Variants in FTO observed in about 807,000 individuals in gnomAD.
FTO encodes the protein alpha-ketoglutarate-dependent dioxygenase FTO.
FTO carries 47 observed loss-of-function variants against 63.9 expected under a neutral mutation model. The ratio of observed to expected loss-of-function variants is 0.74; its 90% CI spans 0.58 to 0.94. The LOEUF is 0.94. Ranked by LOEUF, FTO falls within the 40% of genes least tolerant of loss-of-function variation. FTO has a pLI of 0.00. For missense variants in FTO, 562 were observed against 618.1 expected (o/e 0.91, Z 0.96); for synonymous variants, 207 against 224.4 (o/e 0.92, Z 0.69).
intron 7 of FTO, among the ~76,000 whole-genome samples, chr16:53,907,456 A>C (rs561570519): frequency 6.6e-6 from 1 of 152,318 alleles, no homozygotes; most frequent in South Asian, 2.1e-4. Context: ...ATCGTGAGAG[A>C]GTATGGGACT....
At chr16:54,052,989 A>C (rs767268165) in intron 8 of FTO, among the ~76,000 whole-genome samples, 9 of 152,332 alleles carry the variant, frequency 5.9e-5, no homozygotes, top group Non-Finnish European at 1.0e-4. Flanking sequence ...GGTGTGAGCC[A>C]CTGCACCCGG....
At chr16:53,764,489 AAAG>A (rs1486729708) in intron 1 of FTO, among the ~76,000 whole-genome samples, 1 of 151,264 alleles carries the variant, frequency 6.6e-6, no homozygotes, top group African/African-American at 2.4e-5. Flanking sequence ...AAAAAAAAAA[AAAG>A]AAAAGAGGGG....
At chr16:53,739,503 T>G (rs1022705920) in intron 1 of FTO, among the ~76,000 whole-genome samples, 2 of 152,004 alleles carry the variant, frequency 1.3e-5, no homozygotes, top group Non-Finnish European at 2.9e-5. Flanking sequence ...TGTGAGCCAC[T>G]GTGCCTGGCC....
intron 2 of FTO, among the ~76,000 whole-genome samples, chr16:53,815,116 T>C (rs1007948392): frequency 3.3e-5 from 5 of 150,894 alleles, no homozygotes; most frequent in South Asian, 2.1e-4. Context: ...AGAGGCCCGG[T>C]TATACGAGAA....
intron 8 of FTO, among the ~76,000 whole-genome samples, chr16:54,033,124 C>A (rs548626751): frequency 1.3e-5 from 2 of 152,282 alleles, no homozygotes; most frequent in South Asian, 4.1e-4. Context: ...CAAGAATGTT[C>A]TCACACACCT....
chr16:53,734,355 C>T (rs987910444), intron 1 of FTO, among the ~76,000 whole-genome samples: 1 of 152,176 alleles, frequency 6.6e-6, no homozygotes, highest in Non-Finnish European at 1.5e-5. Context: ...TATAAACTCT[C>T]TGTACAAAAT....
intron 1 of FTO, among the ~76,000 whole-genome samples, chr16:53,785,242 G>C (rs1053746509): frequency 1.3e-5 from 2 of 152,136 alleles, no homozygotes; most frequent in South Asian, 4.1e-4. Flanking sequence ...CATATGAAGA[G>C]GGATTTTTTT....
intron 8 of FTO, among the ~76,000 whole-genome samples, chr16:53,972,997 G>T (rs963908608): frequency 4.6e-5 from 7 of 152,112 alleles, no homozygotes; most frequent in African/African-American, 1.7e-4. Context: ...CCCCAGGTAG[G>T]AATTTAACCA....
chr16:53,790,995 G>A (rs2077898428), intron 1 of FTO, among the ~76,000 whole-genome samples: 1 of 152,202 alleles, frequency 6.6e-6, no homozygotes, highest in African/African-American at 2.4e-5. Flanking sequence ...GGAATAAAAG[G>A]GAGAGGATGT....
intron 4 of FTO, among the ~76,000 whole-genome samples, chr16:53,863,143 C>G (rs1248142411): frequency 6.6e-6 from 1 of 152,208 alleles, no homozygotes; most frequent in East Asian, 1.9e-4. Flanking sequence ...TTCACAGATG[C>G]AGTGCCTTCT....
rs2081263491 is a variant in FTO at position 53,895,688 on chromosome 16, C to T, written c.1239+6737C>T. Among the ~76,000 whole-genome samples, 4 of 152,174 alleles carry T rather than the reference C, an allele frequency of 2.6e-5. No homozygotes were observed. The South Asian group carries it at 8.3e-4, about 32-fold the overall frequency. ...TAGGACTTTCTGTTTTTAACCCTTA[C>T]ATGAGCTGTGTGAGAGTTGAGCTTT... On this transcript the variant is annotated intron_variant, in intron 7 of 8. Coordinates refer to ENST00000471389, the MANE Select transcript of FTO (RefSeq NM_001080432.3).
chr16:54,039,155 C>T (rs2085013845), intron 8 of FTO, among the ~76,000 whole-genome samples: 2 of 152,232 alleles, frequency 1.3e-5, no homozygotes, highest in African/African-American at 2.4e-5. Context: ...ACATGTGCCA[C>T]ATCTGTCAGA....
intron 7 of FTO, among the ~76,000 whole-genome samples, chr16:53,890,098 C>T (rs938431230): frequency 2.0e-5 from 3 of 152,166 alleles, no homozygotes; most frequent in Admixed American, 2.0e-4. Flanking sequence ...CACTGTTCTG[C>T]CTTCAAACAA....
Position 53,934,957 on chromosome 16 carries a change from G to A in FTO, c.1364+848G>A, listed in dbSNP as rs368556556. 2.6e-5 allele frequency among the ~76,000 whole-genome samples: 4 copies of A among 152,078 alleles called. No homozygotes were observed. The East Asian group carries it at 5.8e-4, about 22-fold the overall frequency. ...CATAGAGTTGCCTGTGCTTAGAAACGGTGTTACTGGTGAAAACTTTCTTTA... is the reference window on the plus strand; with the variant it reads ...CATAGAGTTGCCTGTGCTTAGAAACAGTGTTACTGGTGAAAACTTTCTTTA... On this transcript the variant is annotated intron_variant, in intron 8 of 8. Transcript: ENST00000471389.
At chr16:54,012,933 A>C (rs1392268214) in intron 8 of FTO, among the ~76,000 whole-genome samples, 5 of 152,180 alleles carry the variant, frequency 3.3e-5, no homozygotes, top group Non-Finnish European at 7.3e-5. Context: ...TGTTGTTTTC[A>C]TGCCTGCTAA....
chr16:53,950,543 T>A (rs889633127), intron 8 of FTO, among the ~76,000 whole-genome samples: 2 of 152,198 alleles, frequency 1.3e-5, no homozygotes, highest in Non-Finnish European at 2.9e-5. Context: ...ACAGAACAAA[T>A]TACAAATACA....
rs1197922665 is a variant in FTO at position 54,118,074 on chromosome 16, T to C, written c.*6159T>C. On this transcript the variant is annotated 3_prime_UTR_variant, in exon 9 of 9. Coordinates refer to ENST00000471389, the MANE Select transcript of FTO (RefSeq NM_001080432.3). The stretch of plus-strand genomic sequence containing the variant: ...TTGCCTTTAGACAAAATTCATCAAT[T>C]TTACAAAAGCCACTGACTAAACATG... 6.6e-6 allele frequency: 1 copy of C among 152,224 alleles called. No individual in the cohort carries two copies. The highest frequency in any genetic ancestry group is 1.5e-5 in the Non-Finnish European group (1 of 68,038). 9.4% of individuals were successfully genotyped at this position (152,224 alleles called of 1,614,324 possible). A position where few individuals can be genotyped will look rare whatever the true frequency, so the allele number is the denominator to read the frequency against.
intron 4 of FTO, among the ~76,000 whole-genome samples, chr16:53,857,443 TC>T (rs200736060): frequency 0.026 from 3,878 of 147,846 alleles, 68 homozygotes; most frequent in Middle Eastern, 0.05. Flanking sequence ...GAACCTGGTC[TC>T]TCTCTCTCTC....
chr16:53,937,521 G>T (rs1256588276), intron 8 of FTO: 2 of 359,618 alleles, frequency 5.6e-6, no homozygotes, highest in Admixed American at 9.3e-5. Context: ...TGCAAGGACC[G>T]GGTGTCCCAG....
Sources: allele counts gnomAD v4.1 joint callset (sites outside exome capture counted in the v4.1 genomes callset), GRCh38; gene constraint gnomAD v4.1.1; transcripts MANE v1.5; gene names NCBI Gene and HGNC (gene_info 2026-07-23, HGNC 2026-07-21).